Variants in CACNA1H observed in about 807,000 individuals in gnomAD.
The protein encoded by CACNA1H is calcium voltage-gated channel subunit alpha1 H.
In CACNA1H, 149 loss-of-function variants were observed where a neutral mutation model predicts 192.5. The ratio of observed to expected loss-of-function variants is 0.77; its 90% CI spans 0.68 to 0.89. The LOEUF (loss-of-function observed/expected upper bound fraction) is 0.89. Ranked by LOEUF, CACNA1H falls within the 40% of genes least tolerant of loss-of-function variation. The pLI is 0.00. For missense variants in CACNA1H, 4,257 were observed against 3,423.5 expected, an observed-to-expected ratio of 1.24 and a Z score of -6.08; for synonymous variants, 2,202 against 1,475.2, an observed-to-expected ratio of 1.49 and a Z score of -11.29.
chr16:1,214,101 C>T (rs189052532), intron 27 of CACNA1H, among the ~76,000 whole-genome samples, 170 bp downstream of exon 27: 2 of 152,022 alleles, frequency 1.3e-5, no homozygotes, highest in African/African-American at 2.4e-5. Context: ...TTGAAACTCC[C>T]CTCCCCCTGT....
chr16:1,214,841 G>A (rs890726671), intron 27 of CACNA1H, 131 bp from the exon 28 acceptor site: 2 of 654,382 alleles, frequency 3.1e-6, no homozygotes, highest in African/African-American at 1.8e-5. Flanking sequence ...GGTGCCCAGG[G>A]AGGAGCTACT....
At chr16:1,205,286 C>T (rs1968550681) in intron 11 of CACNA1H, 21 bp downstream of exon 11, 2 of 1,583,556 alleles carry the variant, frequency 1.3e-6, no homozygotes, top group Middle Eastern at 1.7e-4. Context: ...ACCCTCTCCC[C>T]AGGAAGAGGG....
chr16:1,206,065 A>G, intron 11 of CACNA1H, 39 bp from the exon 12 acceptor site: 4 of 1,519,336 alleles, frequency 2.6e-6, no homozygotes, highest in Non-Finnish European at 3.5e-6. Context: ...GGGGTCAGGG[A>G]TCGTGGCCCC....
intron 2 of CACNA1H, among the ~76,000 whole-genome samples, chr16:1,160,423 C>T (rs1412535542): frequency 1.3e-5 from 2 of 152,282 alleles, no homozygotes; most frequent in East Asian, 1.9e-4. Flanking sequence ...ACGGCCGCCT[C>T]GGTCAGAGAT....
At position 1,220,871 on chromosome 16, in the gene CACNA1H, C is replaced by T. The variant is rs59385968; in HGVS notation, c.6939C>T (p.Pro2313=). The change falls in exon 35 of 35, where the codon CCC becomes CCT. Residue 2313 remains proline (P), a synonymous_variant. Transcript: ENST00000348261. ...LEPPESEPPM[P]VGDPPEKRRG... ...CCCCAGAATCAGAGCCTCCCATGCC[C>T]GTCGGTGACCCCCCAGAGAAGAGGC... The T allele has an allele frequency of 1.7e-3, 2,763 of 1,612,694 alleles. 48 individuals carry two copies. The African/African-American group carries it at 0.032, about 18-fold the overall frequency.
chr16:1,195,285 AGGGCTCAGTTCCTG>A lies in CACNA1H; in HGVS notation c.412-138_412-125del, dbSNP rs1966865230. ...CGAGAGGCGAGGTTCAAGGCGAGGC[AGGGCTCAGTTCCTG>A]GGGCTCAGGGCGGGGCAGGGGCGGG... On this transcript the variant is annotated intron_variant, in intron 3 of 34. Coordinates refer to ENST00000348261, the MANE Select transcript of CACNA1H (RefSeq NM_021098.3). 5 of 774,526 alleles carry A rather than the reference AGGGCTCAGTTCCTG, an allele frequency of 6.5e-6. No individual in the cohort carries two copies. The African/African-American group carries it at 8.0e-5, about 12-fold the overall frequency. The allele number at this position is 774,526 out of a possible 1,614,324, so 48.0% of individuals were successfully genotyped here.
chr16:1,169,518 G>A (rs1270752700), intron 2 of CACNA1H, among the ~76,000 whole-genome samples: 1 of 152,200 alleles, frequency 6.6e-6, no homozygotes, highest in Non-Finnish European at 1.5e-5. Flanking sequence ...CGCGTGTCTC[G>A]GGTTCCCCGT....
intron 2 of CACNA1H, 44 bp from the exon 3 acceptor site, chr16:1,194,928 G>C: frequency 6.9e-7 from 1 of 1,445,726 alleles, no homozygotes; most frequent in Non-Finnish European, 9.7e-7. Context: ...CCATGGGAGC[G>C]GGTCCCGGGC....
chr16:1,214,937 G>T (rs755697183), intron 27 of CACNA1H, 35 bp from the exon 28 acceptor site: 6 of 1,495,388 alleles, frequency 4.0e-6, no homozygotes, highest in Non-Finnish European at 4.6e-6. Flanking sequence ...GGTGGCCCCA[G>T]CCCCACCTCA....
At chr16:1,154,663 CAGGGAGG>C (rs1962062477) in intron 2 of CACNA1H, among the ~76,000 whole-genome samples, 2 of 152,124 alleles carry the variant, frequency 1.3e-5, no homozygotes, top group African/African-American at 4.8e-5. Flanking sequence ...GGGTAGGGGG[CAGGGAGG>C]CAATTGGCAC....
chr16:1,209,747 T>C (rs768806478), intron 17 of CACNA1H, among the ~76,000 whole-genome samples: 1 of 152,068 alleles, frequency 6.6e-6, no homozygotes, highest in Non-Finnish European at 1.5e-5. Flanking sequence ...CAGGCTTCCG[T>C]GGGTCAAGGA....
chr16:1,204,450 C>T lies in CACNA1H; in HGVS notation c.2443C>T (p.His815Tyr). Residue 815 changes from histidine (H) to tyrosine (Y), a missense_variant, in exon 10 of 35, where the codon CAT (histidine) becomes TAT (tyrosine). Physicochemically the swap from His to Tyr is moderately conservative, Grantham distance 83. Coordinates refer to ENST00000348261, the MANE Select transcript of CACNA1H (RefSeq NM_021098.3). The part of the protein sequence containing the change: ...VNTLSMGVEY[H>Y]EQPEELTNAL... Reference sequence around the variant, plus strand: ...CACGCTGAGCATGGGCGTGGAGTACCATGAGCAGGTGCGGGCTGGCCTGGC... The same window carrying T: ...CACGCTGAGCATGGGCGTGGAGTACTATGAGCAGGTGCGGGCTGGCCTGGC... 6.5e-7 allele frequency: 1 copy of T among 1,533,146 alleles called. No homozygotes were observed. The highest frequency in any genetic ancestry group is 8.8e-7 in the Non-Finnish European group (1 of 1,140,564). The allele number at this position is 1,533,146 out of a possible 1,614,324, so 95.0% of individuals were successfully genotyped here. A position where few individuals can be genotyped will look rare whatever the true frequency, so the allele number is the denominator to read the frequency against.
rs747402800 is a variant in CACNA1H at position 1,200,237 on chromosome 16, T to C, written c.804-19T>C. ...TGACCCTGATTGTACCTTTTGGCCC[T>C]GGCTGTGCCCATCCCCAGGAACAAC... On this transcript the variant is annotated intron_variant, in intron 6 of 34. Transcript: ENST00000348261. 2 of 1,577,652 alleles carry C rather than the reference T, an allele frequency of 1.3e-6. No individual in the cohort carries two copies. The highest frequency in any genetic ancestry group is 1.2e-5 in the South Asian group (1 of 86,564).
chr16:1,219,293 G>A (rs747635980), intron 34 of CACNA1H, among the ~76,000 whole-genome samples, 163 bp downstream of exon 34: 6 of 152,330 alleles, frequency 3.9e-5, no homozygotes, highest in Non-Finnish European at 5.9e-5. Flanking sequence ...GGTGGATCTT[G>A]GAGCATTGGG....
intron 2 of CACNA1H, chr16:1,157,115 G>C (rs879621413): frequency 6.6e-6 from 1 of 152,212 alleles, no homozygotes; most frequent in Non-Finnish European, 1.5e-5. Context: ...CACAGCTGCC[G>C]CCGTCCCGGC....
chr16:1,155,350 G>A (rs985081963), intron 2 of CACNA1H, among the ~76,000 whole-genome samples: 8 of 152,194 alleles, frequency 5.3e-5, no homozygotes, highest in Admixed American at 1.3e-4. Context: ...CCCGGGAGCC[G>A]AGGTGCAGGC....
chr16:1,207,909 G>A (rs1968938721), intron 15 of CACNA1H, 49 bp downstream of exon 15: 5 of 1,545,544 alleles, frequency 3.2e-6, no homozygotes, highest in Admixed American at 1.9e-5. Flanking sequence ...GGAGTACGCT[G>A]GGCTGGCCGG....
chr16:1,168,737 C>T (rs1158290728), intron 2 of CACNA1H, among the ~76,000 whole-genome samples: 1 of 152,160 alleles, frequency 6.6e-6, no homozygotes, highest in Non-Finnish European at 1.5e-5. Flanking sequence ...CCATGCCCCA[C>T]TCTGGGTGCC....
At position 1,205,194 on chromosome 16, in the gene CACNA1H, G is replaced by A. The variant is rs1469054787; in HGVS notation, c.2532G>A (p.Leu844=). Residue 844 remains leucine (L), a synonymous_variant, in exon 11 of 35, where the codon CTG becomes CTA. Coordinates refer to ENST00000348261, the MANE Select transcript of CACNA1H (RefSeq NM_021098.3). ...SMFALEMLLK[L]LACGPLGYIR... is the part of the protein sequence containing the mutation. ...TTGCCCTGGAGATGCTGCTGAAGCT[G>A]CTGGCCTGCGGCCCTCTGGGCTACA... The A allele has an allele frequency of 5.0e-6, 8 of 1,612,962 alleles. No homozygotes were observed. The African/African-American group carries it at 6.7e-5, about 13-fold the overall frequency.
Sources: allele counts gnomAD v4.1 joint callset (sites outside exome capture counted in the v4.1 genomes callset), GRCh38; gene constraint gnomAD v4.1.1; transcripts MANE v1.5; gene names NCBI Gene and HGNC (gene_info 2026-07-23, HGNC 2026-07-21).